The following RPS11 variants were observed in gnomAD, a reference collection of about 807,000 sequenced individuals.
RPS11 encodes small ribosomal subunit protein uS17.
For missense variants in RPS11, 127 were observed against 211.4 expected (o/e 0.60, Z 2.48); for synonymous variants, 107 against 78.0 (o/e 1.37, Z -1.96).
intron 4 of RPS11, 146 bp downstream of exon 4, chr19:49,498,192 T>TA (rs1424590870): frequency 1.2e-6 from 1 of 851,060 alleles, no homozygotes; most frequent in African/African-American, 1.7e-5. Context: ...TTGTATATCA[T>TA]ATGTTCTTCA....
At chr19:49,497,108 TG>T (rs1440643408) in intron 1 of RPS11, 85 bp from the exon 2 acceptor site, 1 of 1,506,726 alleles carries the variant, frequency 6.6e-7, no homozygotes, top group East Asian at 2.3e-5. Context: ...GCATGGGGTC[TG>T]GGAGGTTCTG....
chr19:49,497,776 G>T, intron 3 of RPS11, 141 bp from the exon 4 acceptor site: 4 of 1,308,640 alleles, frequency 3.1e-6, no homozygotes, highest in Non-Finnish European at 4.4e-6. Flanking sequence ...GCACTGCTGA[G>T]AAAGCCACTT....
At position 49,497,960 on chromosome 19, in the gene RPS11, C is replaced by T. The variant is rs779443589; in HGVS notation, c.267C>T (p.Arg89=). 1.2e-6 allele frequency: 2 copies of T among 1,614,140 alleles called. No homozygotes were observed. Among genetic ancestry groups the T allele is most frequent in the East Asian group, 4.5e-5 (2 of 44,884 alleles). The change falls in exon 4 of 5, where the codon CGC becomes CGT. Residue 89 remains arginine (R), a synonymous_variant. Transcript: ENST00000270625. ...KMKMQRTIVI[R]RDYLHYIRKY... is the part of the protein sequence containing the mutation. ...AGATGCAGAGGACCATTGTCATCCG[C>T]CGAGACTATCTGCACTACATCCGCA...
Position 49,498,011 on chromosome 19 carries a change from C to T in RPS11, c.318C>T (p.His106=), listed in dbSNP as rs776039084. ...AGTACAACCGCTTCGAGAAGCGCCA[C>T]AAGAACATGTCTGTACACCTGTCCC... ...IRKYNRFEKR[H]KNMSVHLSPC... Residue 106 remains histidine, a synonymous_variant, in exon 4 of 5, where the codon CAC becomes CAT. Transcript: ENST00000270625. 2.4e-5 allele frequency: 38 copies of T among 1,613,340 alleles called. 1 individual carries two copies. The highest frequency in any genetic ancestry group is 3.3e-5 in the South Asian group (3 of 91,046).
chr19:49,497,871 C>T (rs368841009), intron 3 of RPS11, 46 bp from the exon 4 acceptor site: 364 of 1,613,410 alleles, frequency 2.3e-4, no homozygotes, highest in Non-Finnish European at 2.8e-4. Flanking sequence ...TTACCTATGG[C>T]CCTCTTTCCC....
At chr19:49,497,115 T>C (rs974768911) in intron 1 of RPS11, 79 bp from the exon 2 acceptor site, 1 of 1,550,870 alleles carries the variant, frequency 6.4e-7, no homozygotes, top group African/African-American at 1.4e-5. Context: ...GTCTGGGAGG[T>C]TCTGGGAAGG....
At chr19:49,498,647 G>A (rs1015764177) in intron 4 of RPS11, among the ~76,000 whole-genome samples, 18 of 152,154 alleles carry the variant, frequency 1.2e-4, no homozygotes, top group African/African-American at 3.9e-4. Flanking sequence ...GTCTTCAGGC[G>A]GCTGGGGTGG....
chr19:49,498,065 C>T lies in RPS11; in HGVS notation c.353+19C>T. On this transcript the variant is annotated intron_variant, in intron 4 of 4. Transcript: ENST00000270625. ...GCTTCAGGTGAGCGCAGTGGCCCAT[C>T]AGGTTGCTCAGGCCACGCTCTCTCA... is the stretch of plus-strand genomic sequence containing the variant. The T allele has an allele frequency of 6.2e-7, 1 of 1,611,688 alleles. No homozygotes were observed. The highest frequency in any genetic ancestry group is 1.1e-5 in the South Asian group (1 of 90,938).
chr19:49,498,521 G>T (rs1251561987), intron 4 of RPS11, among the ~76,000 whole-genome samples: 1 of 152,222 alleles, frequency 6.6e-6, no homozygotes, highest in Non-Finnish European at 1.5e-5. Flanking sequence ...GGAGGCTGAG[G>T]CAGGAGGATC....
chr19:49,497,750 T>A, intron 3 of RPS11, 155 bp downstream of exon 3: 1 of 1,164,102 alleles, frequency 8.6e-7, no homozygotes. Context: ...ACGATGGTCT[T>A]CAGATGCCCA....
chr19:49,498,079 C>T lies in RPS11; in HGVS notation c.353+33C>T, dbSNP rs772786084. 17 of 1,610,730 alleles carry T rather than the reference C, an allele frequency of 1.1e-5. 1 individual carries two copies. Among genetic ancestry groups the T allele is most frequent in the South Asian group, 3.3e-5 (3 of 90,950 alleles). On this transcript the variant is annotated intron_variant, in intron 4 of 4. Coordinates refer to ENST00000270625, the MANE Select transcript of RPS11 (RefSeq NM_001015.5). ...CAGTGGCCCATCAGGTTGCTCAGGC[C>T]ACGCTCTCTCAGCCTTCAGATTCCA...
chr19:49,496,588 AT>A, intron 1 of RPS11, 117 bp downstream of exon 1: 5 of 1,130,536 alleles, frequency 4.4e-6, no homozygotes, highest in Non-Finnish European at 6.3e-6. Flanking sequence ...GTCCGTGATT[AT>A]TTTCTAGAGA....
At position 49,499,499 on chromosome 19, in the gene RPS11, C is replaced by T. The variant is rs200505548; in HGVS notation, c.354-13C>T. The T allele has an allele frequency of 1.1e-5, 18 of 1,611,652 alleles. No homozygotes were observed. The South Asian group carries it at 1.3e-4, about 12-fold the overall frequency. ...GGCCCCTCCTGAGGACATGGCCCTA[C>T]CTGCCTCCACAGGGACGTCCAGATC... On this transcript the variant is annotated splice_polypyrimidine_tract_variant and intron_variant, in intron 4 of 4. Coordinates refer to ENST00000270625, the MANE Select transcript of RPS11 (RefSeq NM_001015.5).
intron 4 of RPS11, among the ~76,000 whole-genome samples, chr19:49,499,144 C>G (rs1419634210): frequency 6.6e-6 from 1 of 152,042 alleles, no homozygotes; most frequent in African/African-American, 2.4e-5. Flanking sequence ...AGGAGGGTGG[C>G]CCAAACTGAT....
At chr19:49,498,375 GTGCGTTTTATAA>G (rs2079918077) in intron 4 of RPS11, 1 of 329,266 alleles carries the variant, frequency 3.0e-6, no homozygotes, top group African/African-American at 2.1e-5. Flanking sequence ...GTCTTACGCA[GTGCGTTTTATAA>G]TTCTGTGTGA....
intron 2 of RPS11, 56 bp downstream of exon 2, chr19:49,497,381 AC>A (rs2079911829): frequency 6.2e-6 from 10 of 1,611,272 alleles, no homozygotes; most frequent in Non-Finnish European, 7.6e-6. Context: ...ACGTGTGCCC[AC>A]GACGAGTTGC....
At position 49,497,523 on chromosome 19, in the gene RPS11, A is replaced by G; in HGVS notation, c.151A>G (p.Ile51Val). ...TTTATCTTTCCTATCCTTTCAGGCTATTGAGGGCACCTACATTGACAAGAA... is the reference window on the plus strand; with the variant it reads ...TTTATCTTTCCTATCCTTTCAGGCTGTTGAGGGCACCTACATTGACAAGAA... Reference protein sequence around the residue: ...GLGFKTPKEAIEGTYIDKKCP... With the variant: ...GLGFKTPKEAVEGTYIDKKCP... Residue 51 changes from isoleucine to valine, a missense_variant, in exon 3 of 5, where the codon ATT becomes GTT. Coordinates refer to ENST00000270625, the MANE Select transcript of RPS11 (RefSeq NM_001015.5). The G allele has an allele frequency of 6.2e-7, 1 of 1,613,578 alleles. No individual in the cohort carries two copies. Among genetic ancestry groups the G allele is most frequent in the Admixed American group, 1.7e-5 (1 of 60,002 alleles).
chr19:49,498,855 A>G (rs1276519498), intron 4 of RPS11, among the ~76,000 whole-genome samples: 1 of 152,222 alleles, frequency 6.6e-6, no homozygotes, highest in Non-Finnish European at 1.5e-5. Flanking sequence ...TTAGGATGTC[A>G]TACCAGATGG....
chr19:49,499,361 G>T, intron 4 of RPS11, 151 bp from the exon 5 acceptor site: 1 of 783,496 alleles, frequency 1.3e-6, no homozygotes, highest in Non-Finnish European at 2.1e-6. Context: ...TTGTACGAAA[G>T]GAGGGGACAG....
Sources: allele counts gnomAD v4.1 joint callset (sites outside exome capture counted in the v4.1 genomes callset), GRCh38; gene constraint gnomAD v4.1.1; transcripts MANE v1.5; gene names NCBI Gene and HGNC (gene_info 2026-07-23, HGNC 2026-07-21).